Variants in SLC12A1 observed in about 807,000 individuals in gnomAD.
SLC12A1 encodes Na-K-2Cl cotransporter.
A neutral mutation model predicts 130.4 loss-of-function variants in SLC12A1; 89 were observed. The observed-to-expected ratio is 0.68, with a 90% CI of 0.58 to 0.81. The LOEUF is 0.81. Ranked by LOEUF, SLC12A1 falls within the 40% of genes least tolerant of loss-of-function variation. SLC12A1 has a pLI of 0.00. For synonymous variants in SLC12A1, 499 were observed against 460.0 expected (o/e 1.08, Z -1.09); for missense variants, 1,310 against 1,336.4 (o/e 0.98, Z 0.31).
rs754682043 is a variant in SLC12A1, at chr15:48,249,671, C to T, written c.1781C>T (p.Ser594Phe). Residue 594 changes from serine (S) to phenylalanine (F), a missense_variant, in exon 14 of 27, where the codon TCT becomes TTT. Coordinates refer to ENST00000380993, the MANE Select transcript of SLC12A1 (RefSeq NM_000338.3). ...TGCTTCCATGCCTCTTATGCCAAATCTCCAGGTAAGCTGACTTCCAAACTA... is the reference window on the plus strand; with the variant it reads ...TGCTTCCATGCCTCTTATGCCAAATTTCCAGGTAAGCTGACTTCCAAACTA... ...FSCFHASYAKSPGWRPAYGIY... is the reference protein window; with the variant it reads ...FSCFHASYAKFPGWRPAYGIY... 2 of 1,611,178 alleles carry T rather than the reference C, an allele frequency of 1.2e-6. No homozygotes were observed. Among genetic ancestry groups the T allele is most frequent in the African/African-American group, 1.3e-5 (1 of 75,006 alleles).
At chr15:48,274,831 A>G (rs993403616) in intron 20 of SLC12A1, among the ~76,000 whole-genome samples, 178 bp downstream of exon 20, 4 of 152,226 alleles carry the variant, frequency 2.6e-5, no homozygotes, top group African/African-American at 9.6e-5. Context: ...TGCTAAGACA[A>G]GTAGCCTTTG....
At chr15:48,234,664 G>T (rs1286483004) in intron 8 of SLC12A1, among the ~76,000 whole-genome samples, 2 of 151,954 alleles carry the variant, frequency 1.3e-5, no homozygotes, top group Admixed American at 1.3e-4. Flanking sequence ...AGAATTGCTT[G>T]GTTGCTTGAA....
At chr15:48,265,381 C>T (rs1384508443) in intron 17 of SLC12A1, among the ~76,000 whole-genome samples, 1 of 152,218 alleles carries the variant, frequency 6.6e-6, no homozygotes, top group Admixed American at 6.5e-5. Context: ...TGTGGTACAA[C>T]TCACTACACT....
At chr15:48,238,681 G>C (rs2041466888) in intron 9 of SLC12A1, among the ~76,000 whole-genome samples, 1 of 152,092 alleles carries the variant, frequency 6.6e-6, no homozygotes, top group African/African-American at 2.4e-5. Flanking sequence ...AGTGAACCTA[G>C]AAATATAACA....
chr15:48,251,586 A>G, intron 14 of SLC12A1, 29 bp from the exon 15 acceptor site: 1 of 1,582,746 alleles, frequency 6.3e-7, no homozygotes, highest in Non-Finnish European at 8.7e-7. Flanking sequence ...GTAGAGTGGA[A>G]GTTTTCCTTC....
At chr15:48,288,807 CTTA>C (rs2042087255) in intron 23 of SLC12A1, among the ~76,000 whole-genome samples, 1 of 152,164 alleles carries the variant, frequency 6.6e-6, no homozygotes, top group South Asian at 2.1e-4. Context: ...TCATATAATG[CTTA>C]TTTTGTTCTG....
intron 9 of SLC12A1, among the ~76,000 whole-genome samples, chr15:48,239,228 A>G (rs1463382084): frequency 1.3e-5 from 2 of 152,126 alleles, no homozygotes; most frequent in African/African-American, 2.4e-5. Context: ...TCTTAGGATC[A>G]TGGCTGGGCA....
chr15:48,213,572 T>C (rs1317966803), intron 2 of SLC12A1, among the ~76,000 whole-genome samples: 1 of 151,466 alleles, frequency 6.6e-6, no homozygotes, highest in Non-Finnish European at 1.5e-5. Context: ...GGCGCAATCT[T>C]GGCTCACTGC....
chr15:48,236,539 A>C (rs887791975), intron 9 of SLC12A1, among the ~76,000 whole-genome samples: 2 of 152,186 alleles, frequency 1.3e-5, no homozygotes, highest in Non-Finnish European at 2.9e-5. Context: ...TTGCCCTAGA[A>C]TATAACTCCA....
In SLC12A1 at chr15:48,230,347, A is replaced by C. The variant is rs375403580; in HGVS notation, c.865-46A>C. On this transcript the variant is annotated intron_variant, in intron 6 of 26. Transcript: ENST00000380993. ...TGTTAAATGCTGCAATAAGACTCAC[A>C]TGCAAAAAGCTGTATCTCTAAGCAC... The C allele has an allele frequency of 3.7e-5, 44 of 1,175,976 alleles. No homozygotes were observed. The African/African-American group carries it at 5.0e-4, about 13-fold the overall frequency. 72.8% of individuals were successfully genotyped at this position (1,175,976 alleles called of 1,614,324 possible).
At chr15:48,243,250 G>T (rs1426561065) in intron 10 of SLC12A1, among the ~76,000 whole-genome samples, 1 of 152,004 alleles carries the variant, frequency 6.6e-6, no homozygotes, top group African/African-American at 2.4e-5. Context: ...GTTTGACTTG[G>T]TAATTGACAT....
At chr15:48,290,513 G>A in intron 23 of SLC12A1, among the ~76,000 whole-genome samples, 1 of 152,170 alleles carries the variant, frequency 6.6e-6, no homozygotes, top group East Asian at 1.9e-4. Flanking sequence ...ATGACTGGCA[G>A]TGCAGTTGGT....
At chr15:48,244,044 A>C (rs1178227275) in intron 10 of SLC12A1, among the ~76,000 whole-genome samples, 1 of 152,236 alleles carries the variant, frequency 6.6e-6, no homozygotes, top group Admixed American at 6.5e-5. Flanking sequence ...ATTTTTAAGA[A>C]TCTATCCTAG....
chr15:48,230,345 A>C (rs2141033673), intron 6 of SLC12A1, 48 bp from the exon 7 acceptor site: 1 of 1,129,716 alleles, frequency 8.9e-7, no homozygotes, highest in South Asian at 1.3e-5. Context: ...AATAAGACTC[A>C]CATGCAAAAA....
At chr15:48,271,045 G>A (rs944343510) in intron 19 of SLC12A1, among the ~76,000 whole-genome samples, 3 of 151,090 alleles carry the variant, frequency 2.0e-5, no homozygotes, top group Non-Finnish European at 4.4e-5. Flanking sequence ...CCAACATGGT[G>A]AAACCCCGTC....
At chr15:48,294,808 A>G (rs1257534090) in intron 24 of SLC12A1, among the ~76,000 whole-genome samples, 1 of 151,956 alleles carries the variant, frequency 6.6e-6, no homozygotes, top group Non-Finnish European at 1.5e-5. Context: ...TCTGTTGTCT[A>G]GTGGGTAGTC....
intron 15 of SLC12A1, among the ~76,000 whole-genome samples, chr15:48,254,646 G>A (rs1218655950): frequency 7.0e-6 from 1 of 142,418 alleles, no homozygotes; most frequent in East Asian, 2.0e-4. Context: ...AAAAGACCGG[G>A]CACGGTGGCT....
At chr15:48,289,375 T>C (rs1475574125) in intron 23 of SLC12A1, among the ~76,000 whole-genome samples, 2 of 133,158 alleles carry the variant, frequency 1.5e-5, no homozygotes, top group African/African-American at 5.5e-5. Context: ...TCTTAGGATG[T>C]ATTATGCTGT....
At chr15:48,247,720 AC>A (rs770100467) in intron 13 of SLC12A1, among the ~76,000 whole-genome samples, 1 of 152,052 alleles carries the variant, frequency 6.6e-6, no homozygotes, top group Non-Finnish European at 1.5e-5. Context: ...CCTTCCTCCC[AC>A]CTGCCTGAAA....
Sources: allele counts gnomAD v4.1 joint callset (sites outside exome capture counted in the v4.1 genomes callset), GRCh38; gene constraint gnomAD v4.1.1; transcripts MANE v1.5; gene names NCBI Gene and HGNC (gene_info 2026-07-23, HGNC 2026-07-21).